Variants in ZCCHC9 observed in about 807,000 individuals in gnomAD.
ZCCHC9 encodes the protein zinc finger CCHC-type containing 9.
In ZCCHC9, 18 loss-of-function variants were observed where a neutral mutation model predicts 30.8. The ratio of observed to expected loss-of-function variants is 0.58; its 90% CI spans 0.40 to 0.87. The LOEUF is 0.87. ZCCHC9 is among the 40% of genes least tolerant of loss of function. The pLI, the probability that ZCCHC9 is intolerant of heterozygous loss-of-function variation, is 0.00. For synonymous variants in ZCCHC9, 94 were observed against 106.7 expected (o/e 0.88, Z 0.73); for missense variants, 279 against 331.2 (o/e 0.84, Z 1.22).
chr5:81,312,611 A>C lies in ZCCHC9; in HGVS notation c.765A>C (p.Val255=). 1 of 1,614,002 alleles carries C rather than the reference A, an allele frequency of 6.2e-7. No homozygotes were observed. The highest frequency in any genetic ancestry group is 1.1e-5 in the South Asian group (1 of 91,082). Residue 255 remains valine, a synonymous_variant, in exon 6 of 6, where the codon GTA becomes GTC. Transcript: ENST00000407610. ...CAGACTATGAAGAAATTTTGGATGTACCTAAACCGCAAAAACCCAAAACAA... is the reference window on the plus strand; with the variant it reads ...CAGACTATGAAGAAATTTTGGATGTCCCTAAACCGCAAAAACCCAAAACAA... ...MSADYEEILD[V]PKPQKPKTKI... is the part of the protein sequence containing the mutation.
At chr5:81,310,486 AAG>A in intron 4 of ZCCHC9, among the ~76,000 whole-genome samples, 1 of 152,320 alleles carries the variant, frequency 6.6e-6, no homozygotes, top group East Asian at 1.9e-4. Context: ...GGAAAAAAAA[AAG>A]AAAATTCAGC....
intron 2 of ZCCHC9, among the ~76,000 whole-genome samples, chr5:81,307,971 G>A (rs1758128496): frequency 7.2e-6 from 1 of 138,492 alleles, no homozygotes. Flanking sequence ...CTCCAGCCTG[G>A]GTGATGGAGT....
intron 2 of ZCCHC9, chr5:81,308,357 G>C (rs1758150617): frequency 3.8e-6 from 2 of 524,510 alleles, no homozygotes; most frequent in South Asian, 7.2e-5. Context: ...TATTGATTGA[G>C]GTTTTCAAAA....
At chr5:81,311,496 ACCCTGACTTTATAAGAC>A (rs1239455197) in intron 5 of ZCCHC9, among the ~76,000 whole-genome samples, 1 of 152,116 alleles carries the variant, frequency 6.6e-6, no homozygotes, top group Non-Finnish European at 1.5e-5. Flanking sequence ...GCCTTAGGGG[ACCCTGACTTTATAAGAC>A]ACCTGATTCA....
intron 5 of ZCCHC9, 129 bp from the exon 6 acceptor site, chr5:81,312,415 A>G (rs1758317646): frequency 1.5e-6 from 1 of 670,566 alleles, no homozygotes; most frequent in Non-Finnish European, 2.6e-6. Context: ...ACTTTCCTTT[A>G]GTGATGGAGT....
intron 5 of ZCCHC9, among the ~76,000 whole-genome samples, chr5:81,311,891 G>GAAAGCA (rs985834637): frequency 2.6e-5 from 4 of 152,168 alleles, no homozygotes; most frequent in African/African-American, 9.7e-5. Context: ...CTATGTGAAG[G>GAAAGCA]AAAGCAAGAA....
Position 81,312,647 on chromosome 5 carries a change from AGTT to A in ZCCHC9, c.805_807del (p.Val269del), listed in dbSNP as rs751764072. 1.4e-5 allele frequency: 23 copies of A among 1,612,698 alleles called. No homozygotes were observed. Among genetic ancestry groups the A allele is most frequent in the Non-Finnish European group, 2.0e-5 (23 of 1,178,800 alleles). ...AAAAACCCAAAACAAAAATACCTAA[AGTT>A]GTTAATTTTTGATAACAGCTAGCAC... On this transcript the variant is annotated inframe_deletion, in exon 6 of 6. Transcript: ENST00000407610.
At chr5:81,311,958 C>G (rs112301822) in intron 5 of ZCCHC9, among the ~76,000 whole-genome samples, 2 of 152,062 alleles carry the variant, frequency 1.3e-5, no homozygotes, top group African/African-American at 2.4e-5. Context: ...TTTTATTTCA[C>G]GTAGTCACAA....
intron 4 of ZCCHC9, 91 bp downstream of exon 4, chr5:81,309,129 C>T (rs1758188388): frequency 2.0e-6 from 2 of 1,019,762 alleles, no homozygotes; most frequent in Non-Finnish European, 2.8e-6. Context: ...TGAATAAATT[C>T]TTGAATAAAT....
At position 81,301,629 on chromosome 5, in the gene ZCCHC9, C is replaced by T. The variant is rs1270017572; in HGVS notation, c.-87C>T. 6.6e-6 allele frequency: 1 copy of T among 152,356 alleles called. No homozygotes were observed. The highest frequency in any genetic ancestry group is 2.4e-5 in the African/African-American group (1 of 41,480). 9.4% of individuals were successfully genotyped at this position (152,356 alleles called of 1,614,324 possible). A position where few individuals can be genotyped will look rare whatever the true frequency, so the allele number is the denominator to read the frequency against. On this transcript the variant is annotated 5_prime_UTR_variant, in exon 1 of 6. Transcript: ENST00000407610. Reference sequence around the variant, plus strand: ...TCCAATACCGCAGGAGGGCGGTCTTCCCCGGCTCGCCAACTCGGCTGCTCT... The same window carrying T: ...TCCAATACCGCAGGAGGGCGGTCTTTCCCGGCTCGCCAACTCGGCTGCTCT...
chr5:81,306,152 G>A (rs1047964397), intron 2 of ZCCHC9, among the ~76,000 whole-genome samples: 1 of 152,144 alleles, frequency 6.6e-6, no homozygotes, highest in Non-Finnish European at 1.5e-5. Context: ...AGTTTCCCAA[G>A]CCTCCTAGTA....
At chr5:81,310,923 C>A (rs539665610) in intron 4 of ZCCHC9, among the ~76,000 whole-genome samples, 210 of 152,296 alleles carry the variant, frequency 1.4e-3, no homozygotes, top group Middle Eastern at 0.01. Context: ...ATCCAGGCTT[C>A]TGTGCAATAG....
At chr5:81,311,157 T>G in intron 4 of ZCCHC9, 54 bp from the exon 5 acceptor site, 1 of 1,597,646 alleles carries the variant, frequency 6.3e-7, no homozygotes, top group Non-Finnish European at 8.6e-7. Context: ...TTTGAGATGT[T>G]AAAAACCCCT....
chr5:81,312,920 C>T lies in ZCCHC9; in HGVS notation c.*258C>T, dbSNP rs1168169675. 4.1e-6 allele frequency: 1 copy of T among 244,942 alleles called. No homozygotes were observed. Among genetic ancestry groups the T allele is most frequent in the Non-Finnish European group, 7.9e-6 (1 of 126,734 alleles). The allele number at this position is 244,942 out of a possible 1,614,324, so 15.2% of individuals were successfully genotyped here. A position where few individuals can be genotyped will look rare whatever the true frequency, so the allele number is the denominator to read the frequency against. ...CATATTTTAAGAGACAGAACTTAGA[C>T]ATAACCAAGTAGTTGTATACCTGAT... On this transcript the variant is annotated 3_prime_UTR_variant, in exon 6 of 6. Transcript: ENST00000407610.
At chr5:81,308,498 CAA>C (rs2112874546) in intron 2 of ZCCHC9, 61 bp from the exon 3 acceptor site, 2 of 1,440,668 alleles carry the variant, frequency 1.4e-6, no homozygotes, top group Non-Finnish European at 1.8e-6. Flanking sequence ...TTTTTGATAA[CAA>C]GAATTAATAA....
chr5:81,305,754 C>T (rs1758068444), intron 2 of ZCCHC9, among the ~76,000 whole-genome samples: 2 of 152,096 alleles, frequency 1.3e-5, no homozygotes, highest in Non-Finnish European at 2.9e-5. Flanking sequence ...AACGAGAGTT[C>T]GTCCTCCAAA....
intron 1 of ZCCHC9, chr5:81,304,303 C>T (rs943573004): frequency 6.5e-6 from 1 of 154,004 alleles, no homozygotes; most frequent in Non-Finnish European, 1.4e-5. Flanking sequence ...ATCTGCTATG[C>T]AAATTGTTGC....
At chr5:81,308,013 AAAAAAAAAAATCTATCT>A (rs1400360133) in intron 2 of ZCCHC9, among the ~76,000 whole-genome samples, 2 of 76,660 alleles carry the variant, frequency 2.6e-5, no homozygotes, top group African/African-American at 9.3e-5. Context: ...AAAAAAAAAA[AAAAAAAAAAATCTATCT>A]ATCTATCTAT....
rs1436846774 is a variant in ZCCHC9 at position 81,304,815 on chromosome 5, T to C, written c.58T>C (p.Ser20Pro). ...TYNKRPLPAT[S>P]WEDMKKGSFE... ...TAACAAGAGACCCTTGCCTGCAACA[T>C]CATGGGAGGACATGAAGAAGGGATC... is the stretch of plus-strand genomic sequence containing the variant. Residue 20 changes from serine to proline, a missense_variant, in exon 2 of 6, where the codon TCA becomes CCA. Ser to Pro is a moderately conservative substitution (Grantham distance 74). Coordinates refer to ENST00000407610, the MANE Select transcript of ZCCHC9 (RefSeq NM_001131035.2). 1.2e-6 allele frequency: 2 copies of C among 1,613,450 alleles called. No individual in the cohort carries two copies. The highest frequency in any genetic ancestry group is 2.2e-5 in the South Asian group (2 of 90,890).
Sources: gnomAD v4.1 joint callset for allele counts (sites outside exome capture counted in the v4.1 genomes callset) on GRCh38, gnomAD v4.1.1 for gene constraint, MANE v1.5 for transcripts, NCBI Gene and HGNC (gene_info 2026-07-23, HGNC 2026-07-21) for gene names.